Variants in XKR9 observed in about 807,000 individuals in gnomAD.
XKR9 encodes XK related 9.
Under a neutral mutation model 32.0 loss-of-function variants are expected in XKR9, and 32 were observed. That is an observed-to-expected ratio of 1.00 (90% CI 0.76 to 1.34). The LOEUF (loss-of-function observed/expected upper bound fraction) is 1.34, where lower values mean the gene tolerates loss of function less well. Among genes scored for constraint, XKR9 ranks in the 40% most tolerant of loss-of-function variants. The probability of loss-of-function intolerance (pLI) is 0.00; values close to 1 mark genes in which losing one functional copy is unlikely to be tolerated. For missense variants in XKR9, 546 were observed against 429.7 expected (o/e 1.27, Z -2.39); for synonymous variants, 168 against 143.4 (o/e 1.17, Z -1.22).
chr8:70,733,429 T>C (rs1485518613), intron 4 of XKR9, among the ~76,000 whole-genome samples: 1 of 152,062 alleles, frequency 6.6e-6, no homozygotes, highest in Non-Finnish European at 1.5e-5. Context: ...ATTATAACTG[T>C]AGTCTCTTAA....
chr8:70,751,516 A>G (rs1319148340), intron 2 of XKR9, among the ~76,000 whole-genome samples: 1 of 152,194 alleles, frequency 6.6e-6, no homozygotes, highest in African/African-American at 2.4e-5. Context: ...TTGTGAGGCT[A>G]CTTCTTGAAG....
the XKR9 span, among the ~76,000 whole-genome samples, chr8:70,988,092 T>G: frequency 6.6e-6 from 1 of 152,072 alleles, no homozygotes; most frequent in African/African-American, 2.4e-5. Context: ...GAAACAACTT[T>G]TCCTCCTGGG....
chr8:70,734,944 A>T lies in XKR9; in HGVS notation c.*520A>T, dbSNP rs563432285. On this transcript the variant is annotated 3_prime_UTR_variant, in exon 5 of 5. Transcript: ENST00000408926. The stretch of plus-strand genomic sequence containing the variant: ...TGAAATCTCCAATTCAGTAAGTGCA[A>T]AAGAGAATTGGTGTGCATCTGAGAG... The T allele has an allele frequency of 1.0e-3, 157 of 152,454 alleles. No homozygotes were observed. Among genetic ancestry groups the T allele is most frequent in the Non-Finnish European group, 1.6e-3 (109 of 68,144 alleles). 9.4% of individuals were successfully genotyped at this position (152,454 alleles called of 1,614,324 possible). A position where few individuals can be genotyped will look rare whatever the true frequency, so the allele number is the denominator to read the frequency against.
chr8:70,820,105 T>G, the XKR9 span, among the ~76,000 whole-genome samples: 5 of 152,248 alleles, frequency 3.3e-5, no homozygotes, highest in South Asian at 6.2e-4. Context: ...CTCCTGTCCT[T>G]CACTCCTGAA....
chr8:70,977,087 C>G, the XKR9 span, among the ~76,000 whole-genome samples: 5 of 152,112 alleles, frequency 3.3e-5, no homozygotes. Flanking sequence ...TTTTTTATTA[C>G]ATCGATTTGA....
chr8:70,880,738 C>G, the XKR9 span, among the ~76,000 whole-genome samples: 2 of 152,134 alleles, frequency 1.3e-5, no homozygotes, highest in Non-Finnish European at 2.9e-5. Context: ...ATCAAGCTAC[C>G]AATGACTTTC....
chr8:70,823,467 G>A, the XKR9 span, among the ~76,000 whole-genome samples: 1 of 152,114 alleles, frequency 6.6e-6, no homozygotes, highest in South Asian at 2.1e-4. Flanking sequence ...TCTGAAGAAG[G>A]TCCAATGCAA....
At chr8:70,720,084 G>A (rs1169908797) in intron 4 of XKR9, among the ~76,000 whole-genome samples, 2 of 152,110 alleles carry the variant, frequency 1.3e-5, no homozygotes, top group East Asian at 3.9e-4. Flanking sequence ...GTTCATTCAT[G>A]ATTGGGCTCT....
chr8:70,767,565 C>G lies in XKR9; in HGVS notation n.353-21774C>G, dbSNP rs1177031842. ...CCAGACTGGAGTGCAGTGGTATGATCTTGGTTCTGCAAGCTCTGCCTCCTG... is the reference window on the plus strand; with the variant it reads ...CCAGACTGGAGTGCAGTGGTATGATGTTGGTTCTGCAAGCTCTGCCTCCTG... On this transcript the variant is annotated intron_variant and non_coding_transcript_variant, in intron 2 of 3. Transcript: ENST00000520273. Among the ~76,000 whole-genome samples the G allele has an allele frequency of 3.2e-5, 4 of 126,924 alleles. No homozygotes were observed. The Admixed American group carries it at 4.0e-4, about 13-fold the overall frequency. 83.3% of individuals were successfully genotyped at this position (126,924 alleles called of 152,430 possible).
chr8:70,740,971 C>T (rs1226566749), intron 2 of XKR9, among the ~76,000 whole-genome samples: 8 of 152,344 alleles, frequency 5.3e-5, no homozygotes, highest in African/African-American at 1.9e-4. Context: ...CAGCTGCGGG[C>T]TGGGAGAACC....
At chr8:70,984,035 C>T in the XKR9 span, among the ~76,000 whole-genome samples, 208 of 152,228 alleles carry the variant, frequency 1.4e-3, no homozygotes, top group African/African-American at 4.5e-3. Flanking sequence ...GAAACATCAC[C>T]TTAAATTATA....
chr8:70,775,463 C>G (rs1305275549), intron 2 of XKR9, among the ~76,000 whole-genome samples: 1 of 152,008 alleles, frequency 6.6e-6, no homozygotes, highest in Non-Finnish European at 1.5e-5. Context: ...AGTAGATACT[C>G]TTTCTCAGGT....
intron 4 of XKR9, among the ~76,000 whole-genome samples, chr8:70,732,296 C>T (rs1354703416): frequency 6.6e-6 from 1 of 152,250 alleles, no homozygotes; most frequent in Non-Finnish European, 1.5e-5. Context: ...TACAGACACT[C>T]TGCCATGGAG....
chr8:70,776,947 C>CTCTCTCTCTCTCTCTCTATATA lies in XKR9; in HGVS notation n.353-12391_353-12390insCTCTCTCTCTCTCTCTATATAT. Among the ~76,000 whole-genome samples the CTCTCTCTCTCTCTCTCTATATA allele has an allele frequency of 3.0e-3, 161 of 54,178 alleles. 3 individuals carry two copies. Among genetic ancestry groups the CTCTCTCTCTCTCTCTCTATATA allele is most frequent in the Admixed American group, 0.013 (53 of 4,046 alleles). The allele number at this position is 54,178 out of a possible 152,430, so 35.5% of individuals were successfully genotyped here. A position where few individuals can be genotyped will look rare whatever the true frequency, so the allele number is the denominator to read the frequency against. On this transcript the variant is annotated intron_variant and non_coding_transcript_variant, in intron 2 of 3. Coordinates refer to the XKR9 transcript ENST00000520273. ...TTTCTCTCTCTCTCTCTCTCTCTCT[C>CTCTCTCTCTCTCTCTCTATATA]TATATATATATATATATGTATGTAT... is the stretch of plus-strand genomic sequence containing the variant.
chr8:70,948,596 T>C, the XKR9 span, among the ~76,000 whole-genome samples: 1 of 152,132 alleles, frequency 6.6e-6, no homozygotes, highest in Non-Finnish European at 1.5e-5. Context: ...GTCTATACAA[T>C]ACCCACTCTT....
chr8:70,784,836 A>G (rs543407932), intron 2 of XKR9, among the ~76,000 whole-genome samples: 11 of 152,074 alleles, frequency 7.2e-5, no homozygotes, highest in Non-Finnish European at 1.3e-4. Flanking sequence ...TAGGATTCTC[A>G]TATATGGACT....
the XKR9 span, among the ~76,000 whole-genome samples, chr8:70,805,114 T>C: frequency 6.6e-6 from 1 of 152,158 alleles, no homozygotes; most frequent in Non-Finnish European, 1.5e-5. Context: ...ACTAGGAGGC[T>C]GGCATGATCT....
At chr8:70,976,514 T>A in the XKR9 span, among the ~76,000 whole-genome samples, 1 of 152,208 alleles carries the variant, frequency 6.6e-6, no homozygotes, top group East Asian at 1.9e-4. Flanking sequence ...TGTGATGGAT[T>A]ACGTTTATTG....
intron 3 of XKR9, among the ~76,000 whole-genome samples, chr8:70,702,119 A>G (rs1468952085): frequency 1.3e-5 from 2 of 151,976 alleles, no homozygotes; most frequent in Non-Finnish European, 2.9e-5. Context: ...CTTCTTACCT[A>G]TTTTTCAATT....
Sources: gnomAD v4.1 joint callset for allele counts (sites outside exome capture counted in the v4.1 genomes callset) on GRCh38, gnomAD v4.1.1 for gene constraint, MANE v1.5 for transcripts, NCBI Gene and HGNC (gene_info 2026-07-23, HGNC 2026-07-21) for gene names.